Variants in ADAMTS16 observed in about 807,000 individuals in gnomAD.
The protein encoded by ADAMTS16 is ADAM metallopeptidase with thrombospondin type 1 motif 16, also known as A disintegrin and metalloproteinase with thrombospondin motifs 16.
A neutral mutation model predicts 145.8 loss-of-function variants in ADAMTS16; 94 were observed. The observed-to-expected ratio is 0.64, with a 90% CI of 0.55 to 0.77. ADAMTS16 has a LOEUF of 0.77. Among genes scored for constraint, ADAMTS16 ranks in the 30% least tolerant of loss-of-function variants. The pLI is 0.00. For synonymous variants in ADAMTS16, 659 were observed against 604.3 expected (o/e 1.09, Z -1.33); for missense variants, 1,585 against 1,591.5 (o/e 1.00, Z 0.07).
intron 4 of ADAMTS16, among the ~76,000 whole-genome samples, chr5:5,184,771 C>T (rs1024872939): frequency 1.3e-5 from 2 of 151,854 alleles, no homozygotes; most frequent in South Asian, 2.1e-4. Flanking sequence ...TTTTCAGAGC[C>T]GAGGCCCGTG....
At chr5:5,164,823 C>T (rs1162119457) in intron 3 of ADAMTS16, among the ~76,000 whole-genome samples, 1 of 152,100 alleles carries the variant, frequency 6.6e-6, no homozygotes, top group Admixed American at 6.5e-5. Flanking sequence ...ACTACAGGCG[C>T]CCGCCACCAC....
chr5:5,253,527 A>G (rs1490610288), intron 17 of ADAMTS16, among the ~76,000 whole-genome samples: 1 of 152,198 alleles, frequency 6.6e-6, no homozygotes, highest in Non-Finnish European at 1.5e-5. Context: ...AAGGGGAGGC[A>G]GGTTTGCCCT....
Position 5,212,189 on chromosome 5 carries a change from G to GTTTTTTTTTTTTTTTTTTTTTTTTTTTT in ADAMTS16, c.1605+2943_1605+2944insTTTTTTTTTTTTTTTTTTTTTTTTTTTT, listed in dbSNP as rs200419820. On this transcript the variant is annotated intron_variant, in intron 10 of 22. Transcript: ENST00000274181. Reference sequence around the variant, plus strand: ...TCATGTTAGTACTATTAGTTTCTGGGGTTTTTTTTGTTTTGTTTTGTTTTG... The same window carrying GTTTTTTTTTTTTTTTTTTTTTTTTTTTT: ...TCATGTTAGTACTATTAGTTTCTGGGTTTTTTTTTTTTTTTTTTTTTTTTTTTTGTTTTTTTTGTTTTGTTTTGTTTTG... Among the ~76,000 whole-genome samples, 4 of 98,718 alleles carry GTTTTTTTTTTTTTTTTTTTTTTTTTTTT rather than the reference G, an allele frequency of 4.1e-5. 1 individual carries two copies. The highest frequency in any genetic ancestry group is 2.7e-4 in the Admixed American group (2 of 7,466). 64.8% of individuals were successfully genotyped at this position (98,718 alleles called of 152,430 possible).
chr5:5,303,454 C>T lies in ADAMTS16; in HGVS notation c.2976C>T (p.Ala992=), dbSNP rs754488889. 2.2e-5 allele frequency: 35 copies of T among 1,610,692 alleles called. No individual in the cohort carries two copies. In the Middle Eastern group the frequency reaches 2.3e-3, roughly 106 times the overall value. ...AGAGCTGCCCACCTGCATGGAGCGC[C>T]GGGCCCTGGGCAGAGGTAACCAGGG... ...NSQSCPPAWS[A]GPWAECSHTC... is the part of the protein sequence containing the mutation. The change falls in exon 19 of 23, where the codon GCC becomes GCT. Residue 992 remains alanine, a synonymous_variant. Coordinates refer to ENST00000274181, the MANE Select transcript of ADAMTS16 (RefSeq NM_139056.4).
chr5:5,166,682 A>G (rs1179391797), intron 3 of ADAMTS16, among the ~76,000 whole-genome samples: 1 of 152,108 alleles, frequency 6.6e-6, no homozygotes, highest in Non-Finnish European at 1.5e-5. Context: ...GAAGATGGCA[A>G]TGTCTCAGAT....
chr5:5,303,587 G>A lies in ADAMTS16; in HGVS notation c.3007G>A (p.Gly1003Arg). The A allele has an allele frequency of 6.2e-7, 1 of 1,614,122 alleles. No homozygotes were observed. ...TTCTGTGCAGTGCTCACACACCTGTGGGAAGGGGTGGAGGAAGCGGGCAGT... is the reference window on the plus strand; with the variant it reads ...TTCTGTGCAGTGCTCACACACCTGTAGGAAGGGGTGGAGGAAGCGGGCAGT... ...GPWAECSHTC[G>R]KGWRKRAVAC... The change falls in exon 20 of 23, where the codon GGG becomes AGG. Residue 1003 changes from glycine to arginine, a missense_variant. Physicochemically the swap from Gly to Arg is moderately radical, Grantham distance 125. This residue lies in a region of ADAMTS16 where 834 missense variants were observed against 811.7 expected (regional missense o/e 1.03). Coordinates refer to ENST00000274181, the MANE Select transcript of ADAMTS16 (RefSeq NM_139056.4).
chr5:5,164,754 G>T (rs1734823913), intron 3 of ADAMTS16, among the ~76,000 whole-genome samples: 1 of 152,118 alleles, frequency 6.6e-6, no homozygotes, highest in South Asian at 2.1e-4. Flanking sequence ...TCAGCTCACT[G>T]CAAGCTCCAC....
chr5:5,306,454 G>A, intron 20 of ADAMTS16, 50 bp from the exon 21 acceptor site: 1 of 1,534,348 alleles, frequency 6.5e-7, no homozygotes, highest in Non-Finnish European at 8.9e-7. Flanking sequence ...CACAGATTTT[G>A]CAAAAAAAGA....
chr5:5,220,841 A>T (rs988104595), intron 10 of ADAMTS16, among the ~76,000 whole-genome samples: 1 of 151,876 alleles, frequency 6.6e-6, no homozygotes, highest in African/African-American at 2.4e-5. Context: ...CCCAAACTCT[A>T]CTGGACCATT....
At chr5:5,285,227 T>G (rs1042582914) in intron 18 of ADAMTS16, among the ~76,000 whole-genome samples, 1 of 152,232 alleles carries the variant, frequency 6.6e-6, no homozygotes, top group South Asian at 2.1e-4. Context: ...CCAAAGACAT[T>G]AACTCAGAAT....
At chr5:5,279,900 CTTTT>C (rs1579373858) in intron 18 of ADAMTS16, among the ~76,000 whole-genome samples, 2 of 51,080 alleles carry the variant, frequency 3.9e-5, no homozygotes, top group Admixed American at 2.6e-4. Flanking sequence ...TTCCTTCTTT[CTTTT>C]CTTTTCTTTC....
intron 18 of ADAMTS16, among the ~76,000 whole-genome samples, chr5:5,287,043 A>T (rs951919100): frequency 6.6e-6 from 1 of 152,160 alleles, no homozygotes; most frequent in Non-Finnish European, 1.5e-5. Context: ...GTTTCAAGGA[A>T]CAGGAGCCAG....
At chr5:5,143,001 A>G (rs1734206117) in intron 2 of ADAMTS16, among the ~76,000 whole-genome samples, 1 of 152,232 alleles carries the variant, frequency 6.6e-6, no homozygotes, top group Admixed American at 6.5e-5. Context: ...CTGGCTAGCC[A>G]TATGAAGAAA....
intron 21 of ADAMTS16, among the ~76,000 whole-genome samples, chr5:5,308,201 T>C (rs765522661): frequency 1.1e-4 from 16 of 152,238 alleles, no homozygotes; most frequent in Non-Finnish European, 1.5e-4. Flanking sequence ...CCAGAGGCCA[T>C]TGGGCTGTGG....
intron 14 of ADAMTS16, among the ~76,000 whole-genome samples, chr5:5,238,290 G>T (rs1737173764): frequency 6.6e-6 from 1 of 152,122 alleles, no homozygotes; most frequent in Non-Finnish European, 1.5e-5. Context: ...TTGTTTGGTG[G>T]CAAAGCCTGC....
chr5:5,270,380 A>G (rs915211144), intron 18 of ADAMTS16, among the ~76,000 whole-genome samples: 10 of 152,182 alleles, frequency 6.6e-5, no homozygotes, highest in Non-Finnish European at 1.5e-5. Flanking sequence ...CAGCCGTGAC[A>G]CTGCCTGCCT....
intron 18 of ADAMTS16, among the ~76,000 whole-genome samples, chr5:5,266,483 A>G (rs928801243): frequency 1.3e-5 from 2 of 152,234 alleles, no homozygotes; most frequent in South Asian, 2.1e-4. Flanking sequence ...GCCCTACCGC[A>G]TGGGGAGAAT....
At chr5:5,152,762 CCATAT>C in intron 3 of ADAMTS16, among the ~76,000 whole-genome samples, 1 of 152,318 alleles carries the variant, frequency 6.6e-6, no homozygotes, top group African/African-American at 2.4e-5. Context: ...AATTGTTTCT[CCATAT>C]TTTATGCACT....
At chr5:5,301,328 C>T (rs1739760930) in intron 18 of ADAMTS16, among the ~76,000 whole-genome samples, 1 of 152,200 alleles carries the variant, frequency 6.6e-6, no homozygotes, top group Admixed American at 6.5e-5. Flanking sequence ...ATTCCTCCTG[C>T]CTCAGCCTGG....
Sources: gnomAD v4.1 joint callset for allele counts (sites outside exome capture counted in the v4.1 genomes callset) on GRCh38, gnomAD v4.1.1 for gene constraint, gnomAD v4.1.1 regional missense constraint, MANE v1.5 for transcripts, NCBI Gene and HGNC (gene_info 2026-07-23, HGNC 2026-07-21) for gene names.